Variants in TCF20 observed in about 807,000 individuals in gnomAD.
The protein encoded by TCF20 is SPRE-binding protein.
TCF20 carries 3 observed loss-of-function variants against 148.6 expected under a neutral mutation model. The ratio of observed to expected loss-of-function variants is 0.02; its 90% CI spans 0.01 to 0.05. The LOEUF (loss-of-function observed/expected upper bound fraction) is 0.05. Among genes scored for constraint, TCF20 ranks in the 10% least tolerant of loss-of-function variants. The probability of loss-of-function intolerance (pLI) is 1.00; values close to 1 mark genes in which losing one functional copy is unlikely to be tolerated. For missense variants in TCF20, 2,350 were observed against 2,429.3 expected (o/e 0.97, Z 0.69); for synonymous variants, 1,049 against 909.5 (o/e 1.15, Z -2.76).
At chr22:42,198,194 A>C (rs1937710279) in intron 2 of TCF20, among the ~76,000 whole-genome samples, 1 of 152,074 alleles carries the variant, frequency 6.6e-6, no homozygotes, top group Admixed American at 6.5e-5. Context: ...TACAAAATAA[A>C]GTAAAAAAAG....
At chr22:42,298,106 A>C (rs1224903074) in intron 1 of TCF20, among the ~76,000 whole-genome samples, 1 of 152,250 alleles carries the variant, frequency 6.6e-6, no homozygotes, top group Non-Finnish European at 1.5e-5. Context: ...TGACTTGCCC[A>C]AAGTCACACA....
rs538409969 is a variant in TCF20, at chr22:42,333,409, C to T, written c.-37+10070G>A. On this transcript the variant is annotated intron_variant, in intron 1 of 1. Coordinates refer to the TCF20 transcript ENST00000515426. ...GTGTAGACAGTGGCAGGAGCTGTCT[C>T]GCTGTGCAGAGGCTTTAGAGGACGG... is the stretch of plus-strand genomic sequence containing the variant. Among the ~76,000 whole-genome samples the T allele has an allele frequency of 3.9e-5, 6 of 152,338 alleles. No individual in the cohort carries two copies. The South Asian group carries it at 1.0e-3, about 26-fold the overall frequency.
chr22:42,190,691 G>C (rs1395590489), intron 2 of TCF20, among the ~76,000 whole-genome samples: 1 of 152,072 alleles, frequency 6.6e-6, no homozygotes, highest in African/African-American at 2.4e-5. Context: ...CCACACAAAG[G>C]GGTTCCTTTT....
rs1921262600 is a variant in TCF20 at position 42,213,452 on chromosome 22, T to G, written c.1854A>C (p.Glu618Asp). ...VSREAMTGRVEKPGGQDKGSQ... is the reference protein window; with the variant it reads ...VSREAMTGRVDKPGGQDKGSQ... ...AGCCTTTATCTTGTCCACCAGGCTT[T>G]TCTACCCGACCTGTCATGGCTTCCC... Residue 618 changes from glutamate to aspartate, a missense_variant, in exon 2 of 6, where the codon GAA (glutamate) becomes GAC (aspartate). This residue lies in a region of TCF20 where 1,641 missense variants were observed against 1,662.6 expected (regional missense o/e 0.99). Coordinates refer to ENST00000677622, the MANE Select transcript of TCF20 (RefSeq NM_001378418.1). 1.2e-6 allele frequency: 2 copies of G among 1,614,168 alleles called. No homozygotes were observed. Among genetic ancestry groups the G allele is most frequent in the African/African-American group, 2.7e-5 (2 of 75,030 alleles).
chr22:42,190,791 T>TGA (rs1937291797), intron 2 of TCF20, among the ~76,000 whole-genome samples: 2 of 152,184 alleles, frequency 1.3e-5, no homozygotes, highest in South Asian at 2.1e-4. Context: ...GTACACTTTA[T>TGA]TGATGTTTAA....
intron 1 of TCF20, among the ~76,000 whole-genome samples, chr22:42,262,766 G>A (rs1218222091): frequency 6.6e-6 from 1 of 152,090 alleles, no homozygotes; most frequent in Non-Finnish European, 1.5e-5. Context: ...CCCGCTCTGA[G>A]AACCCTCCAG....
upstream of TCF20, among the ~76,000 whole-genome samples, chr22:42,288,694 T>C (rs1478419668): frequency 7.6e-6 from 1 of 130,886 alleles, no homozygotes; most frequent in East Asian, 2.2e-4. Context: ...GGCAACAGGC[T>C]GTATTTTTGA....
upstream of TCF20, among the ~76,000 whole-genome samples, chr22:42,286,434 T>C (rs561487555): frequency 2.0e-5 from 3 of 152,330 alleles, no homozygotes; most frequent in African/African-American, 7.2e-5. Context: ...CTTGAGTAAG[T>C]TCCTTCTTAG....
At position 42,214,947 on chromosome 22, in the gene TCF20, G is replaced by C; in HGVS notation, c.359C>G (p.Pro120Arg). The C allele has an allele frequency of 6.2e-7, 1 of 1,614,226 alleles. No homozygotes were observed. Among genetic ancestry groups the C allele is most frequent in the South Asian group, 1.1e-5 (1 of 91,086 alleles). The change falls in exon 2 of 6, where the codon CCC (proline) becomes CGC (arginine). Residue 120 changes from proline to arginine, a missense_variant. Physicochemically the swap from Pro to Arg is moderately radical, Grantham distance 103. Transcript: ENST00000677622. ...RPSGPVQSYG[P>R]PQGSSFGNQY... ...ATTGCCAAAGCTGCTCCCCTGGGGG[G>C]GTCCATAGCTCTGCACAGGCCCAGA... is the stretch of plus-strand genomic sequence containing the variant.
At chr22:42,191,434 ACC>A (rs1313328853) in intron 2 of TCF20, among the ~76,000 whole-genome samples, 1 of 152,118 alleles carries the variant, frequency 6.6e-6, no homozygotes, top group Non-Finnish European at 1.5e-5. Flanking sequence ...GATTACAGGC[ACC>A]CACCATCACG....
rs549178441 is a variant in TCF20, at chr22:42,175,502, G to A, written c.5749+4107C>T. Reference sequence around the variant, plus strand: ...ACTACAGGCACGCGCCACCACACCTGGCTAATTTTTCATATTTTAGTAGTG... The same window carrying A: ...ACTACAGGCACGCGCCACCACACCTAGCTAATTTTTCATATTTTAGTAGTG... On this transcript the variant is annotated intron_variant, in intron 3 of 5. Coordinates refer to ENST00000677622, the MANE Select transcript of TCF20 (RefSeq NM_001378418.1). Among the ~76,000 whole-genome samples the A allele has an allele frequency of 2.0e-5, 3 of 152,192 alleles. No homozygotes were observed. In the East Asian group the frequency reaches 5.8e-4, roughly 30 times the overall value.
chr22:42,274,935 C>T (rs1193925200), upstream of TCF20: 1 of 152,286 alleles, frequency 6.6e-6, no homozygotes, highest in Non-Finnish European at 1.5e-5. Flanking sequence ...CCCAGTTCTT[C>T]TTATTTGCAG....
intron 1 of TCF20, among the ~76,000 whole-genome samples, chr22:42,323,938 G>A (rs1927797526): frequency 9.2e-6 from 1 of 108,488 alleles, no homozygotes; most frequent in African/African-American, 3.1e-5. Flanking sequence ...GGTGGTGGTG[G>A]TGGTGATGGA....
chr22:42,179,211 C>A (rs1026952165), intron 3 of TCF20, among the ~76,000 whole-genome samples: 1 of 151,918 alleles, frequency 6.6e-6, no homozygotes, highest in East Asian at 1.9e-4. Context: ...AGCAATTCTA[C>A]TCCCAGGTAC....
chr22:42,303,634 C>T (rs931107882), intron 1 of TCF20, among the ~76,000 whole-genome samples: 1 of 152,246 alleles, frequency 6.6e-6, no homozygotes, highest in Non-Finnish European at 1.5e-5. Context: ...GATGGCCAGC[C>T]AGGTGAAGGA....
intron 2 of TCF20, among the ~76,000 whole-genome samples, chr22:42,183,223 G>A (rs1032708146): frequency 3.3e-5 from 5 of 152,240 alleles, no homozygotes; most frequent in Admixed American, 6.5e-5. Context: ...CTGGTTTCCT[G>A]AGAGCCATTC....
intron 5 of TCF20, 78 bp downstream of exon 5, chr22:42,168,531 G>A (rs1166972905): frequency 6.6e-7 from 1 of 1,518,976 alleles, no homozygotes; most frequent in East Asian, 2.5e-5. Flanking sequence ...GCAGAGCATA[G>A]AGCGAGCAGG....
intron 1 of TCF20, among the ~76,000 whole-genome samples, chr22:42,307,462 C>T (rs561312804): frequency 6.6e-6 from 1 of 152,352 alleles, no homozygotes; most frequent in Admixed American, 6.5e-5. Context: ...GCCCGCTGAT[C>T]CCTAGCTCCC....
chr22:42,214,944 G>C lies in TCF20; in HGVS notation c.362C>G (p.Pro121Arg). The change falls in exon 2 of 6, where the codon CCC becomes CGC. Residue 121 changes from proline (P) to arginine (R), a missense_variant. Physicochemically the swap from Pro to Arg is moderately radical, Grantham distance 103. Coordinates refer to ENST00000677622, the MANE Select transcript of TCF20 (RefSeq NM_001378418.1). ...PSGPVQSYGP[P>R]QGSSFGNQYG... ...CTGATTGCCAAAGCTGCTCCCCTGG[G>C]GGGGTCCATAGCTCTGCACAGGCCC... 5 of 1,614,226 alleles carry C rather than the reference G, an allele frequency of 3.1e-6. No homozygotes were observed. The highest frequency in any genetic ancestry group is 1.7e-5 in the Admixed American group (1 of 60,024).
Sources: allele counts gnomAD v4.1 joint callset (sites outside exome capture counted in the v4.1 genomes callset), GRCh38; gene constraint gnomAD v4.1.1; regional missense constraint gnomAD v4.1.1; transcripts MANE v1.5; gene names NCBI Gene and HGNC (gene_info 2026-07-23, HGNC 2026-07-21).